SDCCAG8: variants seen among roughly 807,000 people sequenced by gnomAD.
SDCCAG8 encodes the protein SHH signaling and ciliogenesis regulator SDCCAG8.
SDCCAG8 carries 74 observed loss-of-function variants against 101.8 expected under a neutral mutation model. The ratio of observed to expected loss-of-function variants is 0.73; its 90% confidence interval spans 0.60 to 0.88. The LOEUF (loss-of-function observed/expected upper bound fraction) is 0.88. SDCCAG8 is among the 40% of genes least tolerant of loss of function. SDCCAG8 has a pLI of 0.00. For missense variants in SDCCAG8, 787 were observed against 822.6 expected, an observed-to-expected ratio of 0.96 and a Z score of 0.53; for synonymous variants, 281 against 292.9, an observed-to-expected ratio of 0.96 and a Z score of 0.41.
intron 13 of SDCCAG8, among the ~76,000 whole-genome samples, chr1:243,388,556 G>A (rs1269032471): frequency 1.3e-5 from 2 of 151,982 alleles, no homozygotes; most frequent in Non-Finnish European, 2.9e-5. Flanking sequence ...TGCCCTTGTT[G>A]TCTTTTTAAA....
At chr1:243,489,435 G>C (rs1665838295) in intron 17 of SDCCAG8, among the ~76,000 whole-genome samples, 1 of 152,242 alleles carries the variant, frequency 6.6e-6, no homozygotes, top group Non-Finnish European at 1.5e-5. Context: ...GCGAGAGCAG[G>C]GAGAAGCGGG....
intron 16 of SDCCAG8, among the ~76,000 whole-genome samples, chr1:243,450,585 A>G (rs2083275383): frequency 6.6e-6 from 1 of 152,124 alleles, no homozygotes; most frequent in South Asian, 2.1e-4. Flanking sequence ...TTTAGTAGAG[A>G]TATGAGTGGA....
At chr1:243,452,536 C>T (rs1203295657) in intron 16 of SDCCAG8, among the ~76,000 whole-genome samples, 1 of 151,142 alleles carries the variant, frequency 6.6e-6, no homozygotes, top group Admixed American at 6.6e-5. Context: ...GATCCTCCTC[C>T]CTCAGCTTTT....
At chr1:243,442,831 G>A (rs1015852314) in intron 16 of SDCCAG8, among the ~76,000 whole-genome samples, 10 of 152,176 alleles carry the variant, frequency 6.6e-5, no homozygotes, top group Admixed American at 3.9e-4. Flanking sequence ...TGATTTAAAT[G>A]TTTGGCTGTG....
intron 1 of SDCCAG8, among the ~76,000 whole-genome samples, chr1:243,269,672 G>T (rs1217247247): frequency 1.3e-5 from 2 of 152,086 alleles, no homozygotes; most frequent in Non-Finnish European, 2.9e-5. Flanking sequence ...GTTGGAACTG[G>T]GTGTGACGCA....
intron 10 of SDCCAG8, among the ~76,000 whole-genome samples, chr1:243,334,105 T>C (rs1415330041): frequency 6.6e-6 from 1 of 152,090 alleles, no homozygotes; most frequent in Non-Finnish European, 1.5e-5. Flanking sequence ...ACCCCACACA[T>C]CTCATCATCA....
intron 12 of SDCCAG8, among the ~76,000 whole-genome samples, chr1:243,368,410 C>T (rs910686895): frequency 5.9e-5 from 9 of 152,014 alleles, no homozygotes; most frequent in Non-Finnish European, 1.0e-4. Context: ...ATTATAAGAC[C>T]ATCATATTTA....
At chr1:243,414,405 C>T (rs1284922763) in intron 13 of SDCCAG8, among the ~76,000 whole-genome samples, 3 of 152,048 alleles carry the variant, frequency 2.0e-5, no homozygotes, top group Admixed American at 2.0e-4. Context: ...CCGAGTGCGA[C>T]GCAAGACCTT....
chr1:243,314,326 A>G (rs2073044408), intron 8 of SDCCAG8, among the ~76,000 whole-genome samples: 2 of 152,332 alleles, frequency 1.3e-5, no homozygotes, highest in Admixed American at 1.3e-4. Flanking sequence ...TTGGAGTTTT[A>G]TCTTTGATAA....
intron 17 of SDCCAG8, among the ~76,000 whole-genome samples, chr1:243,493,500 C>T (rs536374545): frequency 5.8e-4 from 89 of 152,164 alleles, no homozygotes; most frequent in African/African-American, 2.0e-3. Flanking sequence ...GTAATGAATA[C>T]GGTTTTGGCT....
rs1055784713 is a variant in SDCCAG8, at chr1:243,474,738, C to T, written c.1986-14276C>T. 1.4e-4 allele frequency among the ~76,000 whole-genome samples: 21 copies of T among 152,226 alleles called. No individual in the cohort carries two copies. The highest frequency in any genetic ancestry group is 1.3e-3 in the Admixed American group (20 of 15,290). Reference sequence around the variant, plus strand: ...CAGGCTGGGAGCTCCCGGGACGCGGCGTGGCAGCGCAGGGCTCGGCTAGAT... The same window carrying T: ...CAGGCTGGGAGCTCCCGGGACGCGGTGTGGCAGCGCAGGGCTCGGCTAGAT... On this transcript the variant is annotated intron_variant, in intron 16 of 17. Coordinates refer to ENST00000366541, the MANE Select transcript of SDCCAG8 (RefSeq NM_006642.5). This position sits in a 1 kb window ranked among gnomAD's most constrained non-coding sequence, Gnocchi z 4.7.
rs893376124 is a variant in SDCCAG8, at chr1:243,315,977, G to C, written c.930-778G>C. Among the ~76,000 whole-genome samples the C allele has an allele frequency of 8.8e-4, 134 of 152,100 alleles. 1 individual carries two copies. Among genetic ancestry groups the C allele is most frequent in the Non-Finnish European group, 1.0e-4 (7 of 68,026 alleles). ...CAGTTGATAAATTGCAAATATCCTA[G>C]AATATTTTATATGGGACTTATTTAA... On this transcript the variant is annotated intron_variant, in intron 8 of 17. Coordinates refer to ENST00000366541, the MANE Select transcript of SDCCAG8 (RefSeq NM_006642.5).
At chr1:243,294,077 T>C (rs1275962310) in intron 6 of SDCCAG8, among the ~76,000 whole-genome samples, 1 of 152,220 alleles carries the variant, frequency 6.6e-6, no homozygotes. Context: ...TTTAACACAG[T>C]CATTTTAAAG....
chr1:243,428,958 A>C (rs1259249812), intron 16 of SDCCAG8, among the ~76,000 whole-genome samples: 1 of 152,252 alleles, frequency 6.6e-6, no homozygotes, highest in African/African-American at 2.4e-5. Flanking sequence ...TTGCAATAAC[A>C]AGTGATCTAT....
chr1:243,376,967 C>T (rs998422637), intron 12 of SDCCAG8, among the ~76,000 whole-genome samples: 2 of 152,120 alleles, frequency 1.3e-5, no homozygotes, highest in Admixed American at 6.5e-5. Flanking sequence ...AGTATCACTC[C>T]GGAGCTTTTG....
At chr1:243,279,404 G>A (rs2068841323) in intron 4 of SDCCAG8, among the ~76,000 whole-genome samples, 1 of 152,184 alleles carries the variant, frequency 6.6e-6, no homozygotes, top group Non-Finnish European at 1.5e-5. Flanking sequence ...GTGATTGCAT[G>A]GCTAACTGGG....
In SDCCAG8 at chr1:243,326,807, G is replaced by A. The variant is rs575590379; in HGVS notation, c.1069-3733G>A. ...AAAACTAACCCTAGCAGTTGGGAAG[G>A]ACTTTTATATGATCTACAATAGGTT... On this transcript the variant is annotated intron_variant, in intron 9 of 17. Transcript: ENST00000366541. Among the ~76,000 whole-genome samples, 11 of 152,270 alleles carry A rather than the reference G, an allele frequency of 7.2e-5. No homozygotes were observed. In the South Asian group the frequency reaches 2.3e-3, roughly 32 times the overall value.
intron 1 of SDCCAG8, among the ~76,000 whole-genome samples, chr1:243,257,562 T>A (rs2066862856): frequency 6.6e-6 from 1 of 152,232 alleles, no homozygotes; most frequent in African/African-American, 2.4e-5. Context: ...ATGTTAATTG[T>A]TATTTATACT....
chr1:243,469,455 C>T (rs1250553594), intron 16 of SDCCAG8, among the ~76,000 whole-genome samples: 1 of 152,258 alleles, frequency 6.6e-6, no homozygotes, highest in East Asian at 1.9e-4. Context: ...ATGCTGTCCT[C>T]AAGGTGAATA....
Sources: allele counts gnomAD v4.1 joint callset (sites outside exome capture counted in the v4.1 genomes callset), GRCh38; gene constraint gnomAD v4.1.1; non-coding constraint Gnocchi (gnomAD v3.1); transcripts MANE v1.5; gene names NCBI Gene and HGNC (gene_info 2026-07-23, HGNC 2026-07-21).